The following KPNA6 variants were observed in gnomAD, a reference collection of about 807,000 sequenced individuals.
KPNA6 encodes the protein importin subunit alpha-7.
A neutral mutation model predicts 72.0 loss-of-function variants in KPNA6; 9 were observed. The observed-to-expected ratio is 0.13, with a 90% confidence interval of 0.08 to 0.22. The LOEUF (loss-of-function observed/expected upper bound fraction) is 0.22, where lower values mean the gene tolerates loss of function less well. Ranked by LOEUF, KPNA6 falls within the 10% of genes least tolerant of loss-of-function variation. The pLI is 1.00. For missense variants in KPNA6, 374 were observed against 655.7 expected, an observed-to-expected ratio of 0.57 and a Z score of 4.69; for synonymous variants, 219 against 242.1, an observed-to-expected ratio of 0.90 and a Z score of 0.89.
intron 1 of KPNA6, among the ~76,000 whole-genome samples, chr1:32,139,525 C>T (rs1641801974): frequency 6.6e-6 from 1 of 152,118 alleles, no homozygotes; most frequent in African/African-American, 2.4e-5. Flanking sequence ...TCTATTCTAG[C>T]CCCTAGACTT....
intron 1 of KPNA6, among the ~76,000 whole-genome samples, chr1:32,137,386 T>A (rs949227298): frequency 6.6e-6 from 1 of 152,090 alleles, no homozygotes; most frequent in African/African-American, 2.4e-5. Flanking sequence ...TTACCCAGGC[T>A]GGTCTCTAAC....
At chr1:32,163,138 G>A (rs967691969) in intron 9 of KPNA6, 97 bp from the exon 10 acceptor site, 11 of 762,404 alleles carry the variant, frequency 1.4e-5, no homozygotes, top group African/African-American at 7.0e-5. Flanking sequence ...AAAGGGTACA[G>A]GTTCCTTAAG....
chr1:32,116,553 G>A (rs1017156220), intron 1 of KPNA6, among the ~76,000 whole-genome samples: 3 of 152,126 alleles, frequency 2.0e-5, no homozygotes, highest in African/African-American at 7.2e-5. Flanking sequence ...AGCTATTTGG[G>A]AGGCTGAGGC....
Position 32,163,124 on chromosome 1 carries a change from A to G in KPNA6, c.912-111A>G, listed in dbSNP as rs186796322. On this transcript the variant is annotated intron_variant, in intron 9 of 13. Coordinates refer to ENST00000373625, the MANE Select transcript of KPNA6 (RefSeq NM_012316.5). Reference sequence around the variant, plus strand: ...GTCTCAAAAAAAAAAGAAAAAAGAAAAAAAAAGGGTACAGGTTCCTTAAGC... The same window carrying G: ...GTCTCAAAAAAAAAAGAAAAAAGAAGAAAAAAGGGTACAGGTTCCTTAAGC... 4.6e-4 allele frequency: 319 copies of G among 699,476 alleles called. 2 individuals are homozygous for G. In the Admixed American group the frequency reaches 7.3e-3, roughly 16 times the overall value. 43.3% of individuals were successfully genotyped at this position (699,476 alleles called of 1,614,324 possible).
chr1:32,121,462 T>C (rs1641431879), intron 1 of KPNA6, among the ~76,000 whole-genome samples: 1 of 152,122 alleles, frequency 6.6e-6, no homozygotes, highest in South Asian at 2.1e-4. Context: ...AGTCTGGAGC[T>C]CAAGAGTGAG....
Position 32,114,448 on chromosome 1 carries a change from A to T in KPNA6, c.4+6314A>T, listed in dbSNP as rs868364103. 4.0e-4 allele frequency among the ~76,000 whole-genome samples: 59 copies of T among 147,248 alleles called. No homozygotes were observed. In the Middle Eastern group the frequency reaches 0.014, roughly 34 times the overall value. On this transcript the variant is annotated intron_variant, in intron 1 of 13. Transcript: ENST00000373625. The stretch of plus-strand genomic sequence containing the variant: ...AAGAACGAAACTCTGTCTCAAAAAA[A>T]AAAATATATATATATATATATATAT...
intron 9 of KPNA6, among the ~76,000 whole-genome samples, 192 bp downstream of exon 9, chr1:32,162,716 TC>T (rs1391257538): frequency 6.6e-6 from 1 of 151,688 alleles, no homozygotes; most frequent in Admixed American, 6.6e-5. Context: ...GCGCCTGTAA[TC>T]CCAGCTACTT....
chr1:32,122,146 C>T lies in KPNA6; in HGVS notation c.4+14012C>T, dbSNP rs1320635641. On this transcript the variant is annotated intron_variant, in intron 1 of 13. Transcript: ENST00000373625. Reference sequence around the variant, plus strand: ...AAAATTAGCTGGGCGTGGTGGCAGGCGCCTGTAATCCCAGCTACTCGGGAG... The same window carrying T: ...AAAATTAGCTGGGCGTGGTGGCAGGTGCCTGTAATCCCAGCTACTCGGGAG... Among the ~76,000 whole-genome samples, 8 of 151,504 alleles carry T rather than the reference C, an allele frequency of 5.3e-5. No individual in the cohort carries two copies. In the East Asian group the frequency reaches 9.7e-4, roughly 18 times the overall value.
rs796117235 is a variant in KPNA6, at chr1:32,130,766, G to GA, written c.4+22643dup. ...CGACAGAGTGAGACTCTATCTCAAAGAAAAAAAAAAAGTCACAGGCATCTC... is the reference window on the plus strand; with the variant it reads ...CGACAGAGTGAGACTCTATCTCAAAGAAAAAAAAAAAAGTCACAGGCATCTC... On this transcript the variant is annotated intron_variant, in intron 1 of 13. Coordinates refer to ENST00000373625, the MANE Select transcript of KPNA6 (RefSeq NM_012316.5). Among the ~76,000 whole-genome samples the GA allele has an allele frequency of 1.2e-3, 167 of 139,610 alleles. 1 individual carries two copies. Among genetic ancestry groups the GA allele is most frequent in the African/African-American group, 3.8e-3 (143 of 38,108 alleles). 91.6% of individuals were successfully genotyped at this position (139,610 alleles called of 152,430 possible).
chr1:32,173,336 C>G lies in KPNA6; in HGVS notation c.*2442C>G, dbSNP rs1319865308. ...GTAAGACATACACATCCTGCTTGTC[C>G]AGCTGTTCCTCCAAAATCTACTTTG... is the stretch of plus-strand genomic sequence containing the variant. On this transcript the variant is annotated 3_prime_UTR_variant, in exon 14 of 14. Coordinates refer to ENST00000373625, the MANE Select transcript of KPNA6 (RefSeq NM_012316.5). The G allele has an allele frequency of 2.6e-6, 1 of 380,054 alleles. No individual in the cohort carries two copies. The highest frequency in any genetic ancestry group is 4.6e-6 in the Non-Finnish European group (1 of 215,066). 23.5% of individuals were successfully genotyped at this position (380,054 alleles called of 1,614,324 possible). A position where few individuals can be genotyped will look rare whatever the true frequency, so the allele number is the denominator to read the frequency against.
At chr1:32,142,980 G>T (rs1380497291) in intron 1 of KPNA6, 2 of 1,289,788 alleles carry the variant, frequency 1.6e-6, no homozygotes, top group South Asian at 1.2e-5. Context: ...GGAGAGGCTA[G>T]CGTCCAGGAC....
rs939739145 is a variant in KPNA6 at position 32,154,804 on chromosome 1, C to T, written c.138+83C>T. On this transcript the variant is annotated intron_variant, in intron 2 of 13. Coordinates refer to ENST00000373625, the MANE Select transcript of KPNA6 (RefSeq NM_012316.5). ...GGCCTCCACCATGCACCCTGACTTG[C>T]CCTGTAGAAAAGTAGCTTACTAGGT... is the stretch of plus-strand genomic sequence containing the variant. The T allele has an allele frequency of 3.4e-6, 5 of 1,472,400 alleles. No homozygotes were observed. In the Admixed American group the frequency reaches 9.2e-5, roughly 27 times the overall value. The allele number at this position is 1,472,400 out of a possible 1,614,324, so 91.2% of individuals were successfully genotyped here. A position where few individuals can be genotyped will look rare whatever the true frequency, so the allele number is the denominator to read the frequency against.
intron 1 of KPNA6, among the ~76,000 whole-genome samples, chr1:32,146,355 CT>C (rs1383313621): frequency 6.6e-6 from 1 of 152,120 alleles, no homozygotes; most frequent in African/African-American, 2.4e-5. Context: ...GATGTCCTTT[CT>C]TTTTGGTAAC....
At chr1:32,160,405 C>T (rs1454426200) in intron 6 of KPNA6, among the ~76,000 whole-genome samples, 2 of 152,192 alleles carry the variant, frequency 1.3e-5, no homozygotes, top group African/African-American at 4.8e-5. Flanking sequence ...CCTGTCTTTC[C>T]CTGCTGAACC....
At chr1:32,125,201 T>C (rs527452879) in intron 1 of KPNA6, among the ~76,000 whole-genome samples, 2 of 152,352 alleles carry the variant, frequency 1.3e-5, no homozygotes, top group South Asian at 4.1e-4. Context: ...GTTTACTTGC[T>C]TACATAAATT....
At chr1:32,132,478 T>C (rs1170733489) in intron 1 of KPNA6, among the ~76,000 whole-genome samples, 1 of 152,148 alleles carries the variant, frequency 6.6e-6, no homozygotes, top group African/African-American at 2.4e-5. Context: ...TTTATAGAAA[T>C]GGGGTTTTGC....
At chr1:32,118,851 G>A (rs1196863201) in intron 1 of KPNA6, among the ~76,000 whole-genome samples, 1 of 151,010 alleles carries the variant, frequency 6.6e-6, no homozygotes, top group Non-Finnish European at 1.5e-5. Flanking sequence ...AATTAAATGA[G>A]GTAATGCCTG....
chr1:32,119,846 G>A (rs1027649158), intron 1 of KPNA6, among the ~76,000 whole-genome samples: 2 of 151,090 alleles, frequency 1.3e-5, no homozygotes, highest in African/African-American at 2.4e-5. Flanking sequence ...CCGGGTTCAA[G>A]CAATTCTCCT....
intron 1 of KPNA6, among the ~76,000 whole-genome samples, chr1:32,111,648 C>T (rs899676878): frequency 2.0e-5 from 3 of 152,146 alleles, no homozygotes; most frequent in African/African-American, 7.2e-5. Context: ...ATTCTGGATC[C>T]TTTGGGCACT....
Sources: gnomAD v4.1 joint callset for allele counts (sites outside exome capture counted in the v4.1 genomes callset) on GRCh38, gnomAD v4.1.1 for gene constraint, MANE v1.5 for transcripts, NCBI Gene and HGNC (gene_info 2026-07-23, HGNC 2026-07-21) for gene names.